Variants in TEX9 observed in about 807,000 individuals in gnomAD.
The protein encoded by TEX9 is testis-expressed protein 9.
In TEX9, 74 loss-of-function variants were observed where a neutral mutation model predicts 59.6. The ratio of observed to expected loss-of-function variants is 1.24; its 90% CI spans 1.03 to 1.51. TEX9 has a LOEUF of 1.51. Ranked by LOEUF, TEX9 falls within the 40% of genes most tolerant of loss-of-function variation. The probability of loss-of-function intolerance (pLI) is 0.00; values close to 1 mark genes in which losing one functional copy is unlikely to be tolerated. For synonymous variants in TEX9, 186 were observed against 152.2 expected (o/e 1.22, Z -1.64); for missense variants, 522 against 447.8 (o/e 1.17, Z -1.49).
chr15:56,443,740 G>GT (rs776016027), intron 12 of TEX9: 1 of 1,613,108 alleles, frequency 6.2e-7, no homozygotes, highest in Non-Finnish European at 8.5e-7. Context: ...TGATTTTTCT[G>GT]TTTTCTTCTT....
chr15:56,308,462 T>C (rs1202323623), intron 1 of TEX9, among the ~76,000 whole-genome samples: 1 of 152,194 alleles, frequency 6.6e-6, no homozygotes, highest in African/African-American at 2.4e-5. Context: ...TATTAGACCT[T>C]TATCAGATAT....
chr15:56,388,664 G>A, intron 5 of TEX9, 144 bp downstream of exon 5: 1 of 598,556 alleles, frequency 1.7e-6, no homozygotes, highest in Non-Finnish European at 2.9e-6. Flanking sequence ...ATGCATTTGT[G>A]AAGTGTCCCT....
rs60648387 is a variant in TEX9, at chr15:56,309,693, G to GTTTTTTTTT, written c.-106-63725_-106-63717dup. The stretch of plus-strand genomic sequence containing the variant: ...TCTGGGCCTGGGATTTTTATGGGAA[G>GTTTTTTTTT]TTTTTTTTTTTTTTTTTTTTTTTTT... On this transcript the variant is annotated intron_variant, in intron 1 of 5. Coordinates refer to the TEX9 transcript ENST00000560827. 9.6e-3 allele frequency among the ~76,000 whole-genome samples: 582 copies of GTTTTTTTTT among 60,772 alleles called. 69 individuals carry two copies. Among genetic ancestry groups the GTTTTTTTTT allele is most frequent in the African/African-American group, 0.02 (271 of 13,686 alleles). 39.9% of individuals were successfully genotyped at this position (60,772 alleles called of 152,430 possible).
chr15:56,251,589 GA>G (rs1479047990), intron 1 of TEX9, among the ~76,000 whole-genome samples: 3 of 152,116 alleles, frequency 2.0e-5, no homozygotes, highest in Non-Finnish European at 4.4e-5. Context: ...GTAGCTGAAA[GA>G]TACACAAGAG....
At chr15:56,276,533 A>G (rs1194978031) in intron 1 of TEX9, among the ~76,000 whole-genome samples, 1 of 152,164 alleles carries the variant, frequency 6.6e-6, no homozygotes, top group Admixed American at 6.5e-5. Flanking sequence ...GTTGAATAGT[A>G]TTCCATGGTG....
intron 1 of TEX9, among the ~76,000 whole-genome samples, chr15:56,353,068 C>A (rs2046615943): frequency 1.3e-5 from 2 of 152,160 alleles, no homozygotes; most frequent in Non-Finnish European, 2.9e-5. Flanking sequence ...TTTAGGTGCT[C>A]ACAGCCCCTT....
At chr15:56,436,328 A>G (rs2050724448) in intron 12 of TEX9, among the ~76,000 whole-genome samples, 1 of 152,218 alleles carries the variant, frequency 6.6e-6, no homozygotes, top group Non-Finnish European at 1.5e-5. Context: ...AGCTACATGG[A>G]AAGTGAACAA....
chr15:56,372,206 A>G (rs1170947642), intron 2 of TEX9, among the ~76,000 whole-genome samples: 4 of 152,160 alleles, frequency 2.6e-5, no homozygotes, highest in Admixed American at 1.3e-4. Flanking sequence ...ATGGCACTTT[A>G]AAGGCACCTT....
At chr15:56,325,395 C>T (rs1384048629) in intron 1 of TEX9, among the ~76,000 whole-genome samples, 2 of 152,106 alleles carry the variant, frequency 1.3e-5, no homozygotes, top group Non-Finnish European at 2.9e-5. Context: ...TCTGGTATGA[C>T]TTACAGGGAT....
chr15:56,245,489 T>G (rs556446036), intron 1 of TEX9, among the ~76,000 whole-genome samples: 1 of 152,338 alleles, frequency 6.6e-6, no homozygotes, highest in South Asian at 2.1e-4. Flanking sequence ...TATAGGTGGT[T>G]TACGACATTC....
In TEX9 at chr15:56,423,816, G is replaced by C. The variant is rs146579130; in HGVS notation, c.964-3789G>C. Among the ~76,000 whole-genome samples the C allele has an allele frequency of 2.7e-3, 416 of 152,146 alleles. 1 individual carries two copies. The highest frequency in any genetic ancestry group is 4.7e-3 in the Non-Finnish European group (318 of 68,002). On this transcript the variant is annotated intron_variant, in intron 10 of 12. Transcript: ENST00000352903. ...CGTTTTGGGGGAACAGGTGGTGTTG[G>C]TTACACAGATAAGTGCTTTAGTGGT...
intron 9 of TEX9, among the ~76,000 whole-genome samples, chr15:56,407,709 A>G (rs1455869371): frequency 6.6e-6 from 1 of 152,172 alleles, no homozygotes; most frequent in Non-Finnish European, 1.5e-5. Flanking sequence ...GGAGATGATT[A>G]TTAAACAGTT....
chr15:56,309,507 G>T (rs1233500978), intron 1 of TEX9, among the ~76,000 whole-genome samples: 1 of 152,000 alleles, frequency 6.6e-6, no homozygotes, highest in Non-Finnish European at 1.5e-5. Context: ...AGGAATATTG[G>T]TCTGTAGATT....
At chr15:56,381,604 C>A (rs2047729022) in intron 3 of TEX9, among the ~76,000 whole-genome samples, 1 of 152,186 alleles carries the variant, frequency 6.6e-6, no homozygotes, top group Non-Finnish European at 1.5e-5. Flanking sequence ...AGGGTTTTTG[C>A]AGACTTGTAG....
chr15:56,356,132 G>A (rs78729637), intron 1 of TEX9, among the ~76,000 whole-genome samples: 2,255 of 152,116 alleles, frequency 0.015, 22 homozygotes, highest in Non-Finnish European at 0.025. Context: ...GATTGGCCTC[G>A]TTATACAAGG....
chr15:56,309,214 C>A (rs1487596912), intron 1 of TEX9, among the ~76,000 whole-genome samples: 1 of 152,036 alleles, frequency 6.6e-6, no homozygotes, highest in Non-Finnish European at 1.5e-5. Context: ...GATGGTCTTT[C>A]ATTAGGTTGA....
At chr15:56,413,519 C>G (rs10220822) in intron 10 of TEX9, among the ~76,000 whole-genome samples, 19,459 of 150,884 alleles carry the variant, frequency 0.13, 1,688 homozygotes, top group East Asian at 0.37. Context: ...CTTGCAAAAA[C>G]TGAAACTCTC....
chr15:56,412,276 G>T (rs1464627721), intron 9 of TEX9, 26 bp from the exon 10 acceptor site: 2 of 1,571,734 alleles, frequency 1.3e-6, no homozygotes, highest in African/African-American at 2.8e-5. Flanking sequence ...ATTTATAAAT[G>T]TTCCATAATC....
intron 10 of TEX9, among the ~76,000 whole-genome samples, chr15:56,418,377 T>C (rs1171146636): frequency 6.6e-6 from 1 of 151,866 alleles, no homozygotes; most frequent in Admixed American, 6.6e-5. Flanking sequence ...GGTCTGGTGG[T>C]AAAGAGTTCC....
Sources: gnomAD v4.1 joint callset for allele counts (sites outside exome capture counted in the v4.1 genomes callset) on GRCh38, gnomAD v4.1.1 for gene constraint, MANE v1.5 for transcripts, NCBI Gene and HGNC (gene_info 2026-07-23, HGNC 2026-07-21) for gene names.